The following MED25 variants were observed in gnomAD, a reference collection of about 807,000 sequenced individuals.
The protein encoded by MED25 is mediator complex subunit 25.
MED25 carries 62 observed loss-of-function variants against 89.4 expected under a neutral mutation model. The ratio of observed to expected loss-of-function variants is 0.69; its 90% confidence interval spans 0.57 to 0.86. The LOEUF is 0.86. Among genes scored for constraint, MED25 ranks in the 40% least tolerant of loss-of-function variants. The pLI is 0.00. For synonymous variants in MED25, 449 were observed against 427.9 expected, an observed-to-expected ratio of 1.05 and a Z score of -0.61; for missense variants, 905 against 1,005.2, an observed-to-expected ratio of 0.90 and a Z score of 1.35.
Position 49,819,226 on chromosome 19 carries a change from G to GAGTC in MED25, c.236_239dup (p.Tyr81ValfsTer14). The GAGTC allele has an allele frequency of 6.2e-7, 1 of 1,614,196 alleles. No individual in the cohort carries two copies. Among genetic ancestry groups the GAGTC allele is most frequent in the East Asian group, 2.2e-5 (1 of 44,884 alleles). On this transcript the variant is annotated frameshift_variant, in exon 3 of 18. Transcript: ENST00000312865. LOFTEE classifies it high-confidence loss of function. ...GTTCAACACAGTGGACTGCGCTCCC[G>GAGTC]AGTCCTACGTACAATGTCACGCTCC...
intron 3 of MED25, among the ~76,000 whole-genome samples, chr19:49,825,402 C>G (rs1424414391): frequency 6.6e-6 from 1 of 152,068 alleles, no homozygotes; most frequent in Non-Finnish European, 1.5e-5. Context: ...GTACCCACCA[C>G]CATGTCTGGC....
At chr19:49,823,285 T>A (rs375778787) in intron 3 of MED25, among the ~76,000 whole-genome samples, 2 of 152,174 alleles carry the variant, frequency 1.3e-5, no homozygotes, top group Admixed American at 1.3e-4. Context: ...CTGCATTTGG[T>A]GTGCAGTATA....
At chr19:49,818,725 A>G (rs2073957738) in intron 2 of MED25, 109 bp downstream of exon 2, 2 of 1,031,180 alleles carry the variant, frequency 1.9e-6, no homozygotes, top group South Asian at 1.3e-5. Context: ...TTGAGGGAGG[A>G]GGGGCTGGGG....
Position 49,830,080 on chromosome 19 carries a change from G to T in MED25, c.689-8G>T. 1 of 1,605,270 alleles carries T rather than the reference G, an allele frequency of 6.2e-7. No individual in the cohort carries two copies. ...CTCTCTGGGGTTGGCCATCCCTCCTGCTCTCAGTTGGGGGTGGCTCAGCCC... is the reference window on the plus strand; with the variant it reads ...CTCTCTGGGGTTGGCCATCCCTCCTTCTCTCAGTTGGGGGTGGCTCAGCCC... On this transcript the variant is annotated splice_polypyrimidine_tract_variant and splice_region_variant and intron_variant, in intron 6 of 17. Transcript: ENST00000312865. This position sits in a 1 kb window ranked among gnomAD's most constrained non-coding sequence, Gnocchi z 4.6.
At position 49,828,323 on chromosome 19, in the gene MED25, G is replaced by A. The variant is rs1281318727; in HGVS notation, c.306-126G>A. On this transcript the variant is annotated intron_variant, in intron 3 of 17. Coordinates refer to ENST00000312865, the MANE Select transcript of MED25 (RefSeq NM_030973.4). The stretch of plus-strand genomic sequence containing the variant: ...GGGATTGGGTAGGGAACTCAGCAGG[G>A]TCCCCGTCATCCCAAGGTGCATAGC... 2.3e-5 allele frequency: 17 copies of A among 727,698 alleles called. No homozygotes were observed. In the East Asian group the frequency reaches 4.2e-4, roughly 18 times the overall value. 45.1% of individuals were successfully genotyped at this position (727,698 alleles called of 1,614,324 possible).
chr19:49,826,148 G>A (rs1403482791), intron 3 of MED25, among the ~76,000 whole-genome samples: 2 of 152,100 alleles, frequency 1.3e-5, no homozygotes, highest in East Asian at 1.9e-4. Flanking sequence ...AGACCATCCC[G>A]GATAACACCG....
chr19:49,831,265 C>T lies in MED25; in HGVS notation c.1102-68C>T. On this transcript the variant is annotated intron_variant, in intron 9 of 17. Coordinates refer to ENST00000312865, the MANE Select transcript of MED25 (RefSeq NM_030973.4). This position sits in a 1 kb window ranked among gnomAD's most constrained non-coding sequence, Gnocchi z 5.0. Reference sequence around the variant, plus strand: ...TCTTTCCTCCTTCCTGGTTTGCCCTCACAGGATGGCCCCCGGAGGCTCCCG... The same window carrying T: ...TCTTTCCTCCTTCCTGGTTTGCCCTTACAGGATGGCCCCCGGAGGCTCCCG... 1 of 1,545,682 alleles carries T rather than the reference C, an allele frequency of 6.5e-7. No individual in the cohort carries two copies. Among genetic ancestry groups the T allele is most frequent in the East Asian group, 2.3e-5 (1 of 43,298 alleles).
At chr19:49,819,034 G>A (rs2123861867) in intron 2 of MED25, 138 bp from the exon 3 acceptor site, 1 of 1,103,778 alleles carries the variant, frequency 9.1e-7, no homozygotes, top group East Asian at 2.6e-5. Flanking sequence ...CTGGGGCCGA[G>A]ATTGCTGGGT....
At position 49,829,993 on chromosome 19, in the gene MED25, T is replaced by A; in HGVS notation, c.688+45T>A. ...CGCGGGGATGGGGGCTCGACGTGTTTCCCCAGCTCCCTCTGACTTGGATTT... is the reference window on the plus strand; with the variant it reads ...CGCGGGGATGGGGGCTCGACGTGTTACCCCAGCTCCCTCTGACTTGGATTT... On this transcript the variant is annotated intron_variant, in intron 6 of 17. Coordinates refer to ENST00000312865, the MANE Select transcript of MED25 (RefSeq NM_030973.4). The surrounding 1 kb of genome is among the most constrained non-coding windows in gnomAD (Gnocchi z 4.6). The A allele has an allele frequency of 6.3e-7, 1 of 1,598,736 alleles. No individual in the cohort carries two copies. Among genetic ancestry groups the A allele is most frequent in the East Asian group, 2.2e-5 (1 of 44,540 alleles).
rs774899229 is a variant in MED25 at position 49,828,462 on chromosome 19, G to A, written c.319G>A (p.Gly107Ser). ...CTGCCCCTGCAGGTTCATGGGCGGG[G>A]GTGGTGAGAGCTGCAGCCTCATCGC... is the stretch of plus-strand genomic sequence containing the variant. ...WLDGIKFMGG[G>S]GESCSLIAEG... The change falls in exon 4 of 18, where the codon GGT becomes AGT. Residue 107 changes from glycine (G) to serine (S), a missense_variant. Physicochemically the swap from Gly to Ser is moderately conservative, Grantham distance 56. Coordinates refer to ENST00000312865, the MANE Select transcript of MED25 (RefSeq NM_030973.4). 6.2e-7 allele frequency: 1 copy of A among 1,613,760 alleles called. No homozygotes were observed. The highest frequency in any genetic ancestry group is 1.7e-5 in the Admixed American group (1 of 60,008).
In MED25 at chr19:49,835,527, C is replaced by CGGGGA. The variant is rs1741951736; in HGVS notation, c.1675-6_1675-5insGGGAG. The CGGGGA allele has an allele frequency of 6.5e-7, 1 of 1,550,228 alleles. No homozygotes were observed. The highest frequency in any genetic ancestry group is 1.4e-5 in the African/African-American group (1 of 73,318). ...AGTTACTGACCTGCCCCTCTCTCCCCGTGCAGATGGGGGGACAGCAGGCAC... is the reference window on the plus strand; with the variant it reads ...AGTTACTGACCTGCCCCTCTCTCCCCGGGGAGTGCAGATGGGGGGACAGCAGGCAC... On this transcript the variant is annotated splice_region_variant and splice_polypyrimidine_tract_variant and intron_variant, in intron 14 of 17. Transcript: ENST00000312865. The surrounding 1 kb of genome is among the most constrained non-coding windows in gnomAD (Gnocchi z 6.2).
rs1776336110 is a variant in MED25, at chr19:49,821,376, GGCTCAA to G, written c.305+2089_305+2094del. 2.0e-5 allele frequency among the ~76,000 whole-genome samples: 3 copies of G among 152,304 alleles called. No homozygotes were observed. The South Asian group carries it at 6.2e-4, about 32-fold the overall frequency. On this transcript the variant is annotated intron_variant, in intron 3 of 17. Coordinates refer to ENST00000312865, the MANE Select transcript of MED25 (RefSeq NM_030973.4). Reference sequence around the variant, plus strand: ...GGCTCACTGCAGCCTCGACCTCCTGGGCTCAAGCTCAAGCGATCCTCCCATCTCAGC... The same window carrying G: ...GGCTCACTGCAGCCTCGACCTCCTGGGCTCAAGCGATCCTCCCATCTCAGC...
rs1403757139 is a variant in MED25, at chr19:49,834,627, A to G, written c.1483-359A>G. 2.7e-6 allele frequency: 1 copy of G among 375,970 alleles called. No individual in the cohort carries two copies. The highest frequency in any genetic ancestry group is 2.1e-5 in the African/African-American group (1 of 47,880). 23.3% of individuals were successfully genotyped at this position (375,970 alleles called of 1,614,324 possible). A position where few individuals can be genotyped will look rare whatever the true frequency, so the allele number is the denominator to read the frequency against. ...CAGGCCTGTGGGTACCACGCTGTGC[A>G]TCTAGGCCGCTCTCCCGGCCGTGAC... On this transcript the variant is annotated intron_variant, in intron 13 of 17. Coordinates refer to ENST00000312865, the MANE Select transcript of MED25 (RefSeq NM_030973.4). The surrounding 1 kb of genome is among the most constrained non-coding windows in gnomAD (Gnocchi z 4.1).
rs983885370 is a variant in MED25, at chr19:49,821,966, A to G, written c.305+2670A>G. Among the ~76,000 whole-genome samples, 21 of 150,194 alleles carry G rather than the reference A, an allele frequency of 1.4e-4. 1 individual carries two copies. Among genetic ancestry groups the G allele is most frequent in the African/African-American group, 4.9e-4 (20 of 40,536 alleles). ...CAACATGGTGAAACCCCGTCTCTAC[A>G]AAAAATACAAAAATTGGGCAGGCGT... On this transcript the variant is annotated intron_variant, in intron 3 of 17. Coordinates refer to ENST00000312865, the MANE Select transcript of MED25 (RefSeq NM_030973.4).
chr19:49,836,570 C>A lies in MED25; in HGVS notation c.2146+164C>A. Reference sequence around the variant, plus strand: ...CTCTGAGGGCTCCGGGAAAGTACAGCCCATGGGTCCAAGGACCTAGTGGGT... The same window carrying A: ...CTCTGAGGGCTCCGGGAAAGTACAGACCATGGGTCCAAGGACCTAGTGGGT... On this transcript the variant is annotated intron_variant, in intron 17 of 17. Coordinates refer to ENST00000312865, the MANE Select transcript of MED25 (RefSeq NM_030973.4). The surrounding 1 kb of genome is among the most constrained non-coding windows in gnomAD (Gnocchi z 5.1). 1.1e-6 allele frequency: 1 copy of A among 879,646 alleles called. No homozygotes were observed. Among genetic ancestry groups the A allele is most frequent in the Non-Finnish European group, 1.9e-6 (1 of 537,026 alleles). 54.5% of individuals were successfully genotyped at this position (879,646 alleles called of 1,614,324 possible). A position where few individuals can be genotyped will look rare whatever the true frequency, so the allele number is the denominator to read the frequency against.
chr19:49,830,654 C>T lies in MED25; in HGVS notation c.908-40C>T, dbSNP rs763896570. On this transcript the variant is annotated intron_variant, in intron 8 of 17. Transcript: ENST00000312865. The surrounding 1 kb of genome is among the most constrained non-coding windows in gnomAD (Gnocchi z 4.6). ...CAGGGGCCAGGCAGGCCTCTCTCCA[C>T]ACACTTGTTCCCCACTTCTTCCCTT... 1.2e-6 allele frequency: 2 copies of T among 1,612,578 alleles called. No individual in the cohort carries two copies. The highest frequency in any genetic ancestry group is 1.3e-5 in the African/African-American group (1 of 74,992).
rs781256475 is a variant in MED25, at chr19:49,829,925, T to C, written c.665T>C (p.Leu222Pro). ...AGCCAGGACCCGAGGCACATGGTGC[T>C]GGTTCGGGGACTCGTGCTGCCTGGT... ...DVSQDPRHMV[L>P]VRGLVLPVGG... The change falls in exon 6 of 18, where the codon CTG becomes CCG. Residue 222 changes from leucine (L) to proline (P), a missense_variant. Transcript: ENST00000312865. This position sits in a 1 kb window ranked among gnomAD's most constrained non-coding sequence, Gnocchi z 4.6. 6.2e-7 allele frequency: 1 copy of C among 1,612,710 alleles called. No individual in the cohort carries two copies. The highest frequency in any genetic ancestry group is 1.1e-5 in the South Asian group (1 of 91,054).
Position 49,818,356 on chromosome 19 carries a change from C to G in MED25, c.15C>G (p.Ser5=). 1.3e-6 allele frequency: 2 copies of G among 1,599,950 alleles called. No individual in the cohort carries two copies. The highest frequency in any genetic ancestry group is 1.3e-5 in the African/African-American group (1 of 74,738). Residue 5 remains serine (S), a synonymous_variant, in exon 1 of 18, where the codon TCC becomes TCG. Coordinates refer to ENST00000312865, the MANE Select transcript of MED25 (RefSeq NM_030973.4). ...CCGCACGGGGTATGGTCCCCGGGTC[C>G]GAGGGCCCGGCCCGCGCCGGGAGCG... is the stretch of plus-strand genomic sequence containing the variant. MVPG[S]EGPARAGSVV...
In MED25 at chr19:49,834,659, C is replaced by T. The variant is rs1002091780; in HGVS notation, c.1483-327C>T. On this transcript the variant is annotated intron_variant, in intron 13 of 17. Transcript: ENST00000312865. This position sits in a 1 kb window ranked among gnomAD's most constrained non-coding sequence, Gnocchi z 4.1. ...CCGCTCTCCCGGCCGTGACCCTCAG[C>T]CGCCCTCTGAGGAGGCCGCCGTGGC... The T allele has an allele frequency of 5.3e-5, 22 of 413,892 alleles. No individual in the cohort carries two copies. The highest frequency in any genetic ancestry group is 7.3e-4 in the Middle Eastern group (1 of 1,374). The allele number at this position is 413,892 out of a possible 1,614,324, so 25.6% of individuals were successfully genotyped here. A position where few individuals can be genotyped will look rare whatever the true frequency, so the allele number is the denominator to read the frequency against.
Sources: allele counts gnomAD v4.1 joint callset (sites outside exome capture counted in the v4.1 genomes callset), GRCh38; gene constraint gnomAD v4.1.1; non-coding constraint Gnocchi (gnomAD v3.1); transcripts MANE v1.5; gene names NCBI Gene and HGNC (gene_info 2026-07-23, HGNC 2026-07-21).